Variants in SUSD4 observed in about 807,000 individuals in gnomAD.
The protein encoded by SUSD4 is sushi domain containing 4.
In SUSD4, 41 loss-of-function variants were observed where a neutral mutation model predicts 50.5. That is an observed-to-expected ratio of 0.81 (90% CI 0.63 to 1.05). The LOEUF (loss-of-function observed/expected upper bound fraction) is 1.05. Ranked by LOEUF, SUSD4 falls within the 50% of genes least tolerant of loss-of-function variation. SUSD4 has a pLI of 0.00. For missense variants in SUSD4, 580 were observed against 634.7 expected (o/e 0.91, Z 0.93); for synonymous variants, 257 against 257.3 (o/e 1.00, Z 0.01).
In SUSD4 at chr1:223,268,047, A is replaced by ATATATATATATG. The variant is rs1558197309; in HGVS notation, c.535+454_535+455insCATATATATATA. Among the ~76,000 whole-genome samples, 2 of 59,708 alleles carry ATATATATATATG rather than the reference A, an allele frequency of 3.3e-5. 1 individual carries two copies. Among genetic ancestry groups the ATATATATATATG allele is most frequent in the African/African-American group, 1.0e-4 (2 of 19,436 alleles). The allele number at this position is 59,708 out of a possible 152,430, so 39.2% of individuals were successfully genotyped here. On this transcript the variant is annotated intron_variant, in intron 4 of 8. Coordinates refer to ENST00000366878, the MANE Select transcript of SUSD4 (RefSeq NM_017982.4). Reference sequence around the variant, plus strand: ...TATATATATATATATATATATACACACACACTGTTAAGAGAAAACAGCCTC... The same window carrying ATATATATATATG: ...TATATATATATATATATATATACACATATATATATATGCACACTGTTAAGAGAAAACAGCCTC...
At chr1:223,320,177 TA>T (rs1558247223) in intron 2 of SUSD4, among the ~76,000 whole-genome samples, 2 of 151,442 alleles carry the variant, frequency 1.3e-5, no homozygotes, top group East Asian at 1.9e-4. Flanking sequence ...TTTTGTCCTT[TA>T]AAAAAAAAGT....
intron 3 of SUSD4, among the ~76,000 whole-genome samples, chr1:223,275,646 T>C (rs1326272943): frequency 6.6e-6 from 1 of 152,172 alleles, no homozygotes; most frequent in African/African-American, 2.4e-5. Flanking sequence ...TAAATTCCGA[T>C]TCTTTGTTGC....
In SUSD4 at chr1:223,304,793, CATATATATATATATAT is replaced by C. The variant is rs57599818; in HGVS notation, c.149-12158_149-12143del. 1.9e-3 allele frequency among the ~76,000 whole-genome samples: 100 copies of C among 53,550 alleles called. 1 individual carries two copies. Among genetic ancestry groups the C allele is most frequent in the African/African-American group, 2.7e-3 (20 of 7,526 alleles). The allele number at this position is 53,550 out of a possible 152,430, so 35.1% of individuals were successfully genotyped here. On this transcript the variant is annotated intron_variant, in intron 2 of 8. Transcript: ENST00000366878. Reference sequence around the variant, plus strand: ...TTAACCTCTCTGTGTCTCAGGTTTCCATATATATATATATATATATATATATATATATATATATATA... The same window carrying C: ...TTAACCTCTCTGTGTCTCAGGTTTCCATATATATATATATATATATATATA...
At chr1:223,287,139 G>A (rs368759086) in intron 3 of SUSD4, among the ~76,000 whole-genome samples, 27 of 152,190 alleles carry the variant, frequency 1.8e-4, no homozygotes, top group African/African-American at 5.1e-4. Flanking sequence ...ACAGTGGCAC[G>A]ATATCGGTTC....
At chr1:223,235,214 C>G in intron 5 of SUSD4, 1 of 1,157,402 alleles carries the variant, frequency 8.6e-7, no homozygotes, top group Non-Finnish European at 1.2e-6. Context: ...TTTTTAAGAG[C>G]AGTTTTAGGT....
intron 2 of SUSD4, among the ~76,000 whole-genome samples, chr1:223,317,836 TTTTTTTTTTTTTTTC>T (rs1558244988): frequency 3.5e-4 from 31 of 89,038 alleles, no homozygotes; most frequent in Middle Eastern, 5.5e-3. Context: ...TTGCCCTTCT[TTTTTTTTTTTTTTTC>T]TTTTTTTTTT....
chr1:223,329,054 G>A (rs900273126), intron 2 of SUSD4, among the ~76,000 whole-genome samples: 5 of 152,010 alleles, frequency 3.3e-5, no homozygotes, highest in East Asian at 1.9e-4. Context: ...TGATGACCCC[G>A]TCCTAAGACT....
At chr1:223,271,529 C>T (rs886562529) in intron 3 of SUSD4, among the ~76,000 whole-genome samples, 11 of 152,084 alleles carry the variant, frequency 7.2e-5, no homozygotes, top group Admixed American at 5.9e-4. Context: ...GTGGGAGGAG[C>T]CACATATCAA....
At chr1:223,302,137 T>A (rs1665236685) in intron 2 of SUSD4, among the ~76,000 whole-genome samples, 1 of 152,118 alleles carries the variant, frequency 6.6e-6, no homozygotes, top group African/African-American at 2.4e-5. Flanking sequence ...TTTCTCTTCC[T>A]CCTGCTCCAG....
chr1:223,281,659 A>G (rs1663741509), intron 3 of SUSD4, among the ~76,000 whole-genome samples: 1 of 152,204 alleles, frequency 6.6e-6, no homozygotes, highest in Non-Finnish European at 1.5e-5. Flanking sequence ...TACTAGAGGT[A>G]CAAGGAGGAG....
At chr1:223,292,402 C>G in intron 3 of SUSD4, 37 bp downstream of exon 3, 15 of 1,612,784 alleles carry the variant, frequency 9.3e-6, no homozygotes, top group Non-Finnish European at 1.3e-5. Context: ...CAACTTGAAC[C>G]ACATGAGTGG....
intron 2 of SUSD4, among the ~76,000 whole-genome samples, chr1:223,297,339 T>C (rs1664894807): frequency 6.6e-6 from 1 of 152,170 alleles, no homozygotes; most frequent in Non-Finnish European, 1.5e-5. Context: ...TTTTTATTAT[T>C]GTTGTACTAA....
chr1:223,247,303 C>T (rs541340128), intron 5 of SUSD4, among the ~76,000 whole-genome samples: 11 of 152,294 alleles, frequency 7.2e-5, no homozygotes, highest in South Asian at 6.2e-4. Context: ...ACTACTTTCA[C>T]GCTTGATCCA....
At chr1:223,292,162 G>A (rs759534702) in intron 3 of SUSD4, among the ~76,000 whole-genome samples, 9 of 152,174 alleles carry the variant, frequency 5.9e-5, no homozygotes, top group African/African-American at 1.2e-4. Flanking sequence ...ATAAATACCC[G>A]TAATGTTATC....
chr1:223,223,643 A>G lies in SUSD4; in HGVS notation c.1062-12T>C, dbSNP rs1295996800. 1.3e-6 allele frequency: 2 copies of G among 1,587,768 alleles called. No homozygotes were observed. The highest frequency in any genetic ancestry group is 1.7e-6 in the Non-Finnish European group (2 of 1,165,080). On this transcript the variant is annotated splice_polypyrimidine_tract_variant and intron_variant, in intron 7 of 8. Transcript: ENST00000366878. ...TCCGGGGAGGCCCCCTGTGTAAAGGAAAGAAGTGCCAACATGTGAGAGCCA... is the reference window on the plus strand; with the variant it reads ...TCCGGGGAGGCCCCCTGTGTAAAGGGAAGAAGTGCCAACATGTGAGAGCCA...
intron 2 of SUSD4, among the ~76,000 whole-genome samples, chr1:223,304,638 C>T (rs1255788186): frequency 6.6e-6 from 1 of 151,012 alleles, no homozygotes; most frequent in African/African-American, 2.4e-5. Context: ...TCCACCTTGT[C>T]ATGATACTCA....
At chr1:223,264,292 T>G in intron 5 of SUSD4, 1 of 1,023,396 alleles carries the variant, frequency 9.8e-7, no homozygotes, top group Non-Finnish European at 1.2e-6. Context: ...GTAAGATTAA[T>G]GACATGATAC....
chr1:223,295,467 G>A (rs1020812065), intron 2 of SUSD4, among the ~76,000 whole-genome samples: 1 of 152,104 alleles, frequency 6.6e-6, no homozygotes, highest in African/African-American at 2.4e-5. Context: ...TCAATGGGTG[G>A]CCACAGAAGG....
At chr1:223,349,667 A>T (rs924738344) in intron 2 of SUSD4, among the ~76,000 whole-genome samples, 1 of 152,172 alleles carries the variant, frequency 6.6e-6, no homozygotes, top group Non-Finnish European at 1.5e-5. Context: ...GCAGTTTCAT[A>T]TGACTACACC....
Sources: allele counts gnomAD v4.1 joint callset (sites outside exome capture counted in the v4.1 genomes callset), GRCh38; gene constraint gnomAD v4.1.1; transcripts MANE v1.5; gene names NCBI Gene and HGNC (gene_info 2026-07-23, HGNC 2026-07-21).